Variants in RYR2 observed in about 807,000 individuals in gnomAD.
RYR2 encodes the protein ryanodine receptor 2.
A neutral mutation model predicts 601.1 loss-of-function variants in RYR2; 227 were observed. That is an observed-to-expected ratio of 0.38 (90% CI 0.34 to 0.42). The LOEUF is 0.42. Ranked by LOEUF, RYR2 falls within the 10% of genes least tolerant of loss-of-function variation. The probability of loss-of-function intolerance (pLI) is 1.00; values close to 1 mark genes in which losing one functional copy is unlikely to be tolerated. For missense variants in RYR2, 4,646 were observed against 6,156.5 expected (o/e 0.75, Z 8.21); for synonymous variants, 2,223 against 2,175.1 (o/e 1.02, Z -0.61).
chr1:237,102,741 G>A (rs941971835), intron 1 of RYR2, among the ~76,000 whole-genome samples: 2 of 151,978 alleles, frequency 1.3e-5, no homozygotes, highest in South Asian at 2.1e-4. Context: ...TTGTAATCCC[G>A]CTACTCGGGA....
At chr1:237,621,112 C>T (rs1432204924) in intron 38 of RYR2, among the ~76,000 whole-genome samples, 1 of 152,076 alleles carries the variant, frequency 6.6e-6, no homozygotes, top group East Asian at 1.9e-4. Flanking sequence ...AGAAAGGTAA[C>T]TGGAAAATCT....
In RYR2 at chr1:237,379,897, G is replaced by A. The variant is rs187463568; in HGVS notation, c.576+2462G>A. Among the ~76,000 whole-genome samples the A allele has an allele frequency of 3.4e-3, 525 of 152,252 alleles. 3 individuals carry two copies. Among genetic ancestry groups the A allele is most frequent in the Middle Eastern group, 6.8e-3 (2 of 294 alleles). On this transcript the variant is annotated intron_variant, in intron 8 of 104. Transcript: ENST00000366574. ...TTCACTTTCATTTGATAATGAAGTC[G>A]TTGCTTTTATTGTTGATCTCTATGG... is the stretch of plus-strand genomic sequence containing the variant.
At chr1:237,056,037 C>T (rs1190935166) in intron 1 of RYR2, among the ~76,000 whole-genome samples, 1 of 149,880 alleles carries the variant, frequency 6.7e-6, no homozygotes, top group East Asian at 2.0e-4. Context: ...AGCACTGCAC[C>T]TGTGAGGACT....
intron 77 of RYR2, among the ~76,000 whole-genome samples, chr1:237,730,708 C>T (rs1486442660): frequency 6.6e-6 from 1 of 152,020 alleles, no homozygotes; most frequent in Non-Finnish European, 1.5e-5. Flanking sequence ...AGAAGTTATC[C>T]ACCTAAATTA....
chr1:237,157,960 A>T (rs770707987), intron 1 of RYR2, among the ~76,000 whole-genome samples: 7 of 152,244 alleles, frequency 4.6e-5, no homozygotes, highest in Non-Finnish European at 8.8e-5. Context: ...TTTCATCATT[A>T]TACATTGTAT....
intron 1 of RYR2, among the ~76,000 whole-genome samples, chr1:237,211,551 T>A (rs1297352099): frequency 6.6e-6 from 1 of 152,204 alleles, no homozygotes; most frequent in African/African-American, 2.4e-5. Context: ...TTCCTCTATT[T>A]AGTCTAGGAC....
In RYR2 at chr1:237,496,766, A is replaced by G; in HGVS notation, c.2203+14A>G. 1.9e-6 allele frequency: 3 copies of G among 1,594,306 alleles called. No individual in the cohort carries two copies. The highest frequency in any genetic ancestry group is 8.6e-7 in the Non-Finnish European group (1 of 1,166,844). ...ATCTCTGGTCAGGTACGTACTATCC[A>G]TTTTCTTTCACCGTGTTCCAGAAGA... On this transcript the variant is annotated intron_variant, in intron 20 of 104. Coordinates refer to ENST00000366574, the MANE Select transcript of RYR2 (RefSeq NM_001035.3).
chr1:237,792,004 C>A, intron 93 of RYR2, 101 bp from the exon 94 acceptor site: 3 of 831,796 alleles, frequency 3.6e-6, no homozygotes, highest in Non-Finnish European at 3.9e-6. Context: ...AGTGACTTCA[C>A]ATCCAACTAT....
chr1:237,486,332 A>G (rs1399423700), intron 17 of RYR2, among the ~76,000 whole-genome samples: 1 of 152,186 alleles, frequency 6.6e-6, no homozygotes, highest in Non-Finnish European at 1.5e-5. Flanking sequence ...CTACTAAGGT[A>G]AATCATGCAT....
At chr1:237,323,231 G>A (rs1695805575) in intron 2 of RYR2, among the ~76,000 whole-genome samples, 1 of 152,084 alleles carries the variant, frequency 6.6e-6, no homozygotes. Flanking sequence ...GTTTGAATTA[G>A]CAATGTTGAG....
intron 84 of RYR2, among the ~76,000 whole-genome samples, chr1:237,762,238 G>A (rs558526783): frequency 6.6e-6 from 1 of 152,242 alleles, no homozygotes; most frequent in South Asian, 2.1e-4. Context: ...GTTCTGGCCT[G>A]AGGTTCAGAA....
intron 3 of RYR2, among the ~76,000 whole-genome samples, chr1:237,354,054 A>C (rs1421263821): frequency 6.6e-6 from 1 of 152,068 alleles, no homozygotes; most frequent in African/African-American, 2.4e-5. Flanking sequence ...CATAATTACA[A>C]CTTTATTGTA....
intron 56 of RYR2, among the ~76,000 whole-genome samples, chr1:237,665,078 G>A (rs1684179943): frequency 6.6e-6 from 1 of 152,148 alleles, no homozygotes; most frequent in South Asian, 2.1e-4. Context: ...ACCAACCTTT[G>A]AGGCTGGTGG....
At chr1:237,095,326 A>C (rs1350055360) in intron 1 of RYR2, among the ~76,000 whole-genome samples, 1 of 152,156 alleles carries the variant, frequency 6.6e-6, no homozygotes, top group African/African-American at 2.4e-5. Flanking sequence ...CTGCTGTACC[A>C]CACGCTTCAA....
chr1:237,421,399 T>C (rs1244852751), intron 11 of RYR2, among the ~76,000 whole-genome samples: 1 of 152,216 alleles, frequency 6.6e-6, no homozygotes, highest in Non-Finnish European at 1.5e-5. Flanking sequence ...AACTTTAATT[T>C]CATCTTAAGA....
At position 237,718,482 on chromosome 1, in the gene RYR2, A is replaced by G. The variant is rs755774487; in HGVS notation, c.10515A>G (p.Val3505=). The G allele has an allele frequency of 4.4e-6, 7 of 1,594,724 alleles. No individual in the cohort carries two copies. The highest frequency in any genetic ancestry group is 8.6e-7 in the Non-Finnish European group (1 of 1,163,272). Residue 3505 remains valine, a synonymous_variant, in exon 73 of 105, where the codon GTA becomes GTG. Transcript: ENST00000366574. ...RFSLKDTEDE[V]RDIIRSNIHL... ...GACAGAAAGATACCGAGGATGAAGT[A>G]CGAGATATAATCCGCAGCAATATTC... is the stretch of plus-strand genomic sequence containing the variant.
chr1:237,623,394 T>C (rs796384970), intron 38 of RYR2, among the ~76,000 whole-genome samples: 1 of 137,056 alleles, frequency 7.3e-6, no homozygotes, highest in Non-Finnish European at 1.6e-5. Flanking sequence ...TTTTTTTTTT[T>C]TTTTTTTTTT....
At chr1:237,363,610 A>T (rs1209003115) in intron 4 of RYR2, among the ~76,000 whole-genome samples, 3 of 152,060 alleles carry the variant, frequency 2.0e-5, no homozygotes, top group Admixed American at 6.6e-5. Context: ...TTTCTTTTTC[A>T]TACTCTTTCA....
intron 1 of RYR2, among the ~76,000 whole-genome samples, chr1:237,050,748 A>G (rs947369563): frequency 2.0e-5 from 3 of 152,206 alleles, no homozygotes; most frequent in Non-Finnish European, 4.4e-5. Context: ...TTACAGGAAA[A>G]ATGATATCCT....
Sources: allele counts gnomAD v4.1 joint callset (sites outside exome capture counted in the v4.1 genomes callset), GRCh38; gene constraint gnomAD v4.1.1; transcripts MANE v1.5; gene names NCBI Gene and HGNC (gene_info 2026-07-23, HGNC 2026-07-21).